The following POU6F2 variants were observed in gnomAD, a reference collection of about 807,000 sequenced individuals.
POU6F2 encodes the protein POU class 6 homeobox 2, also known as POU domain, class 6, transcription factor 2.
Under a neutral mutation model 71.3 loss-of-function variants are expected in POU6F2, and 31 were observed. The observed-to-expected ratio is 0.43, with a 90% CI of 0.33 to 0.59. POU6F2 has a LOEUF of 0.59. Among genes scored for constraint, POU6F2 ranks in the 20% least tolerant of loss-of-function variants. The pLI, the probability that POU6F2 is intolerant of heterozygous loss-of-function variation, is 0.04. For synonymous variants in POU6F2, 347 were observed against 355.7 expected, an observed-to-expected ratio of 0.98 and a Z score of 0.27; for missense variants, 783 against 856.8, an observed-to-expected ratio of 0.91 and a Z score of 1.07.
At chr7:39,299,522 G>A (rs73695259) in intron 4 of POU6F2, among the ~76,000 whole-genome samples, 1 of 152,250 alleles carries the variant, frequency 6.6e-6, no homozygotes, top group African/African-American at 2.4e-5. Flanking sequence ...TTCACAGCAG[G>A]CCATGAAAAA....
intron 4 of POU6F2, among the ~76,000 whole-genome samples, chr7:39,243,841 AT>A (rs1325601670): frequency 6.6e-6 from 1 of 152,106 alleles, no homozygotes; most frequent in South Asian, 2.1e-4. Flanking sequence ...GAATTTGCCC[AT>A]TTTTTAAAAC....
At chr7:39,192,022 C>A (rs77105652) in intron 2 of POU6F2, among the ~76,000 whole-genome samples, 1,640 of 152,250 alleles carry the variant, frequency 0.011, 16 homozygotes, top group Middle Eastern at 0.041. Context: ...TATTTTGTTA[C>A]CCCATCTTTG....
chr7:39,380,661 T>C (rs758328170), intron 5 of POU6F2, among the ~76,000 whole-genome samples: 3 of 152,234 alleles, frequency 2.0e-5, no homozygotes, highest in Non-Finnish European at 4.4e-5. Context: ...TTTGTATTAT[T>C]ATATTAGCAC....
chr7:39,046,527 T>G (rs915901029), intron 1 of POU6F2, among the ~76,000 whole-genome samples: 4 of 151,910 alleles, frequency 2.6e-5, no homozygotes. Context: ...GTCACAGAGC[T>G]TTTCTTCTAG....
intron 4 of POU6F2, among the ~76,000 whole-genome samples, chr7:39,329,912 T>TA (rs893337724): frequency 6.6e-6 from 1 of 152,346 alleles, no homozygotes; most frequent in Non-Finnish European, 1.5e-5. Context: ...AAACAGTGCC[T>TA]AAAACATAGG....
At chr7:39,086,063 T>C in intron 2 of POU6F2, 32 bp downstream of exon 2, 1 of 1,599,866 alleles carries the variant, frequency 6.3e-7, no homozygotes, top group Non-Finnish European at 8.5e-7. Flanking sequence ...ATTTCAGTAC[T>C]ACCATGTTGT....
intron 1 of POU6F2, among the ~76,000 whole-genome samples, chr7:38,979,193 A>T (rs921443737): frequency 3.8e-5 from 3 of 78,686 alleles, no homozygotes; most frequent in Non-Finnish European, 8.0e-5. Context: ...AATATTTATA[A>T]ACTCCTAAAA....
chr7:39,055,569 A>G (rs1195727652), intron 1 of POU6F2, among the ~76,000 whole-genome samples: 1 of 152,178 alleles, frequency 6.6e-6, no homozygotes, highest in Non-Finnish European at 1.5e-5. Context: ...CTCTCCAATT[A>G]GAAGCAAATA....
At chr7:39,116,962 A>G (rs2128726752) in intron 2 of POU6F2, among the ~76,000 whole-genome samples, 1 of 152,254 alleles carries the variant, frequency 6.6e-6, no homozygotes, top group South Asian at 2.1e-4. Flanking sequence ...GCCTATCGTG[A>G]TTTCTCTGAA....
chr7:39,326,653 G>A lies in POU6F2; in HGVS notation c.599-12989G>A, dbSNP rs559945505. On this transcript the variant is annotated intron_variant, in intron 4 of 9. Coordinates refer to ENST00000518318, the MANE Select transcript of POU6F2 (RefSeq NM_001370959.1). Reference sequence around the variant, plus strand: ...AATACTTGAAATTTGATGGGAAAAGGCAGAAGAGGGTTATTTAAATTTTTT... The same window carrying A: ...AATACTTGAAATTTGATGGGAAAAGACAGAAGAGGGTTATTTAAATTTTTT... Among the ~76,000 whole-genome samples, 10 of 152,310 alleles carry A rather than the reference G, an allele frequency of 6.6e-5. No individual in the cohort carries two copies. The South Asian group carries it at 2.1e-3, about 32-fold the overall frequency.
intron 1 of POU6F2, among the ~76,000 whole-genome samples, chr7:39,083,073 A>G (rs1453428463): frequency 6.6e-6 from 1 of 152,168 alleles, no homozygotes; most frequent in African/African-American, 2.4e-5. Flanking sequence ...CATCAGCCAG[A>G]CAGAACATCT....
At chr7:39,404,439 C>A (rs1787376157) in intron 5 of POU6F2, among the ~76,000 whole-genome samples, 1 of 152,056 alleles carries the variant, frequency 6.6e-6, no homozygotes, top group East Asian at 1.9e-4. Context: ...TAGGGAAATG[C>A]CTTGCAATTA....
intron 2 of POU6F2, among the ~76,000 whole-genome samples, chr7:39,122,985 C>T (rs1025239826): frequency 1.3e-5 from 2 of 152,144 alleles, no homozygotes; most frequent in East Asian, 1.9e-4. Context: ...CCACCGCACC[C>T]GGTGATATGG....
At chr7:39,257,730 G>A (rs1197882513) in intron 4 of POU6F2, among the ~76,000 whole-genome samples, 2 of 151,938 alleles carry the variant, frequency 1.3e-5, no homozygotes, top group Non-Finnish European at 2.9e-5. Context: ...TAATACTTAT[G>A]CATTTGAATC....
At chr7:39,234,049 C>T (rs1022770439) in intron 4 of POU6F2, among the ~76,000 whole-genome samples, 8 of 152,180 alleles carry the variant, frequency 5.3e-5, no homozygotes, top group East Asian at 3.9e-4. Flanking sequence ...ATCTTTGGCA[C>T]GCATATGCTA....
intron 4 of POU6F2, among the ~76,000 whole-genome samples, chr7:39,317,809 CT>C (rs1243395286): frequency 6.6e-6 from 1 of 152,132 alleles, no homozygotes; most frequent in Non-Finnish European, 1.5e-5. Context: ...CATTCAGGGT[CT>C]CTGGGTCTCA....
chr7:39,015,697 TTATATATATCTATGTTATATAG>T (rs1562670406), intron 1 of POU6F2, among the ~76,000 whole-genome samples: 13 of 89,076 alleles, frequency 1.5e-4, no homozygotes, highest in Non-Finnish European at 2.3e-4. Context: ...TATCTATATA[TTATATATATCTATGTTATATAG>T]AGATATATAA....
chr7:39,293,462 G>A (rs1286484541), intron 4 of POU6F2, among the ~76,000 whole-genome samples: 1 of 152,138 alleles, frequency 6.6e-6, no homozygotes, highest in African/African-American at 2.4e-5. Context: ...GGGGCCCGTC[G>A]TTACTCCCCT....
chr7:39,095,518 G>A (rs368208344), intron 2 of POU6F2, among the ~76,000 whole-genome samples: 1 of 152,284 alleles, frequency 6.6e-6, no homozygotes, highest in East Asian at 1.9e-4. Flanking sequence ...GTGGCTACAC[G>A]TCTTGTCATC....
Sources: gnomAD v4.1 joint callset for allele counts (sites outside exome capture counted in the v4.1 genomes callset) on GRCh38, gnomAD v4.1.1 for gene constraint, MANE v1.5 for transcripts, NCBI Gene and HGNC (gene_info 2026-07-23, HGNC 2026-07-21) for gene names.